The following GABRB1 variants were observed in gnomAD, a reference collection of about 807,000 sequenced individuals.
GABRB1 encodes gamma-aminobutyric acid receptor subunit beta-1.
GABRB1 carries 17 observed loss-of-function variants against 51.6 expected under a neutral mutation model. That is an observed-to-expected ratio of 0.33 (90% CI 0.23 to 0.49). GABRB1 has a LOEUF of 0.49. Among genes scored for constraint, GABRB1 ranks in the 20% least tolerant of loss-of-function variants. GABRB1 has a pLI of 0.99. For synonymous variants in GABRB1, 247 were observed against 218.9 expected, an observed-to-expected ratio of 1.13 and a Z score of -1.14; for missense variants, 410 against 600.6, an observed-to-expected ratio of 0.68 and a Z score of 3.32.
At chr4:47,318,933 A>T (rs1198840327) in intron 4 of GABRB1, among the ~76,000 whole-genome samples, 2 of 152,092 alleles carry the variant, frequency 1.3e-5, no homozygotes, top group East Asian at 3.8e-4. Flanking sequence ...ATTTTCTAAA[A>T]ATACTCTATG....
intron 5 of GABRB1, among the ~76,000 whole-genome samples, chr4:47,386,327 C>T (rs1317275773): frequency 6.6e-6 from 1 of 152,082 alleles, no homozygotes; most frequent in African/African-American, 2.4e-5. Flanking sequence ...TTTATTATGC[C>T]ACAGAAATAG....
chr4:47,287,079 C>T lies in GABRB1; in HGVS notation c.462-33048C>T, dbSNP rs912130507. 4.6e-5 allele frequency among the ~76,000 whole-genome samples: 7 copies of T among 152,264 alleles called. No homozygotes were observed. The East Asian group carries it at 1.4e-3, about 29-fold the overall frequency. ...GTTCTGTGAGCTATGTTTCTTGAAC[C>T]TCAACTCTGGTCCTCATAATCACAC... is the stretch of plus-strand genomic sequence containing the variant. On this transcript the variant is annotated intron_variant, in intron 4 of 8. Transcript: ENST00000295454.
At chr4:47,147,846 G>A (rs1432446449) in intron 3 of GABRB1, among the ~76,000 whole-genome samples, 3 of 152,090 alleles carry the variant, frequency 2.0e-5, no homozygotes, top group Non-Finnish European at 4.4e-5. Flanking sequence ...AAAGAAACAA[G>A]CAAGAAGTGT....
chr4:46,995,035 T>G (rs1222427549), intron 1 of GABRB1, among the ~76,000 whole-genome samples: 1 of 152,200 alleles, frequency 6.6e-6, no homozygotes, highest in Non-Finnish European at 1.5e-5. Flanking sequence ...ATTTGTTAAC[T>G]TCATCCTAAT....
intron 4 of GABRB1, among the ~76,000 whole-genome samples, chr4:47,212,882 T>A (rs1388889935): frequency 6.6e-6 from 1 of 152,152 alleles, no homozygotes; most frequent in African/African-American, 2.4e-5. Context: ...GGCAAAAGAC[T>A]TAAGTGTAAG....
chr4:47,228,383 C>T (rs1168191622), intron 4 of GABRB1, among the ~76,000 whole-genome samples: 1 of 151,758 alleles, frequency 6.6e-6, no homozygotes, highest in African/African-American at 2.4e-5. Context: ...AGAAAGAGGT[C>T]TTGGGTCCCA....
intron 4 of GABRB1, among the ~76,000 whole-genome samples, chr4:47,215,110 AG>A (rs1289961388): frequency 6.6e-6 from 1 of 152,138 alleles, no homozygotes; most frequent in African/African-American, 2.4e-5. Context: ...GACTTGTATA[AG>A]GATCCCTAAA....
At chr4:47,048,072 T>C (rs971599777) in intron 3 of GABRB1, among the ~76,000 whole-genome samples, 1 of 152,176 alleles carries the variant, frequency 6.6e-6, no homozygotes, top group Admixed American at 6.6e-5. Context: ...AAATTTCTCT[T>C]AACATCTTTC....
chr4:47,019,625 C>CTCTCTCTCTCTTTCTCTCTT (rs1274221477), intron 1 of GABRB1, among the ~76,000 whole-genome samples: 3 of 91,062 alleles, frequency 3.3e-5, no homozygotes, highest in Non-Finnish European at 6.3e-5. Flanking sequence ...TTCTTTCTCT[C>CTCTCTCTCTCTTTCTCTCTT]TCTTTCTTTC....
chr4:47,372,254 A>G (rs1027895949), intron 5 of GABRB1, among the ~76,000 whole-genome samples: 6 of 152,124 alleles, frequency 3.9e-5, no homozygotes, highest in Non-Finnish European at 8.8e-5. Context: ...TGTAGTGTGC[A>G]GTCTTATTTC....
chr4:47,235,794 AT>A (rs1401431968), intron 4 of GABRB1, among the ~76,000 whole-genome samples: 4 of 152,082 alleles, frequency 2.6e-5, no homozygotes, highest in Admixed American at 1.3e-4. Flanking sequence ...TTATTTAAAA[AT>A]TTTTAAACGA....
chr4:47,244,614 G>C (rs1721667476), intron 4 of GABRB1, among the ~76,000 whole-genome samples: 1 of 152,066 alleles, frequency 6.6e-6, no homozygotes, highest in South Asian at 2.1e-4. Context: ...AGTCTTGGGA[G>C]GGTGTATGTG....
At chr4:47,022,898 A>G (rs1361570109) in intron 1 of GABRB1, among the ~76,000 whole-genome samples, 1 of 152,162 alleles carries the variant, frequency 6.6e-6, no homozygotes, top group Non-Finnish European at 1.5e-5. Flanking sequence ...CACTGTTTAC[A>G]ATAGCTAAGG....
In GABRB1 at chr4:47,069,230, ACT is replaced by A. The variant is rs1277333481; in HGVS notation, c.240+36749_240+36750del. On this transcript the variant is annotated intron_variant, in intron 3 of 8. Coordinates refer to ENST00000295454, the MANE Select transcript of GABRB1 (RefSeq NM_000812.4). ...TCTGCCTAAACCCGTGTTGTCATAA[ACT>A]CTTTCTTCCCTGAGTCACTACAGAT... Among the ~76,000 whole-genome samples the A allele has an allele frequency of 1.4e-4, 22 of 151,824 alleles. 1 individual carries two copies. The highest frequency in any genetic ancestry group is 1.4e-3 in the Admixed American group (22 of 15,252).
intron 3 of GABRB1, among the ~76,000 whole-genome samples, chr4:47,068,215 G>A (rs1401228206): frequency 6.6e-6 from 1 of 152,132 alleles, no homozygotes; most frequent in Non-Finnish European, 1.5e-5. Context: ...ATTAGGTTTT[G>A]GCTTAAAGTA....
intron 4 of GABRB1, among the ~76,000 whole-genome samples, chr4:47,164,943 G>A (rs1329965776): frequency 1.3e-5 from 2 of 151,920 alleles, no homozygotes; most frequent in South Asian, 4.2e-4. Context: ...GTGACAAAAC[G>A]TATTACACAA....
At chr4:47,136,685 C>T (rs949774802) in intron 3 of GABRB1, among the ~76,000 whole-genome samples, 2 of 151,918 alleles carry the variant, frequency 1.3e-5, no homozygotes, top group South Asian at 2.1e-4. Flanking sequence ...AGAAAACCTT[C>T]CTGTTTAATC....
intron 4 of GABRB1, among the ~76,000 whole-genome samples, chr4:47,221,033 T>A (rs1450875437): frequency 6.6e-6 from 1 of 151,934 alleles, no homozygotes; most frequent in East Asian, 1.9e-4. Context: ...CACAATAAAT[T>A]CCCCTCCTAA....
intron 3 of GABRB1, among the ~76,000 whole-genome samples, chr4:47,112,092 C>T (rs1715238157): frequency 6.6e-6 from 1 of 151,828 alleles, no homozygotes. Context: ...GCCTCAGCCT[C>T]CCGAGTAGCT....
Sources: allele counts gnomAD v4.1 joint callset (sites outside exome capture counted in the v4.1 genomes callset), GRCh38; gene constraint gnomAD v4.1.1; transcripts MANE v1.5; gene names NCBI Gene and HGNC (gene_info 2026-07-23, HGNC 2026-07-21).